Variants in AOC1 observed in about 807,000 individuals in gnomAD.
The protein encoded by AOC1 is amine oxidase copper containing 1, also known as diamine oxidase [copper-containing].
Under a neutral mutation model 57.1 loss-of-function variants are expected in AOC1, and 58 were observed. The observed-to-expected ratio is 1.02, with a 90% CI of 0.82 to 1.26. AOC1 has a LOEUF of 1.26. Among genes scored for constraint, AOC1 ranks in the 50% most tolerant of loss-of-function variants. AOC1 has a pLI of 0.00. For synonymous variants in AOC1, 401 were observed against 423.4 expected, an observed-to-expected ratio of 0.95 and a Z score of 0.65; for missense variants, 917 against 1,005.3, an observed-to-expected ratio of 0.91 and a Z score of 1.19.
chr7:150,853,863 AAAC>A (rs1178291895), intron 1 of AOC1: 1 of 151,882 alleles, frequency 6.6e-6, no homozygotes. Flanking sequence ...TCTCTACTAA[AAAC>A]AAAAAATTAG....
chr7:150,861,388 A>C lies in AOC1; in HGVS notation c.*179A>C. On this transcript the variant is annotated 3_prime_UTR_variant, in exon 5 of 5. Transcript: ENST00000360937. This position sits in a 1 kb window ranked among gnomAD's most constrained non-coding sequence, Gnocchi z 4.5. ...CACAGACGTGCACACACACACAGAC[A>C]TGCACACACACACAGACGTGCACAC... The C allele has an allele frequency of 3.1e-6, 2 of 651,160 alleles. No individual in the cohort carries two copies. The highest frequency in any genetic ancestry group is 5.0e-6 in the Non-Finnish European group (2 of 397,908). 40.3% of individuals were successfully genotyped at this position (651,160 alleles called of 1,614,324 possible).
In AOC1 at chr7:150,861,117, G is replaced by A. The variant is rs1274088394; in HGVS notation, c.2164G>A (p.Gly722Ser). ...TGTGATCGTGTGGCCTCGGGACAAC[G>A]GCCCCAACTACGTCCAGCGCTGGAT... is the stretch of plus-strand genomic sequence containing the variant. The part of the protein sequence containing the change: ...DTVIVWPRDN[G>S]PNYVQRWIPE... The change falls in exon 5 of 5, where the codon GGC becomes AGC. Residue 722 changes from glycine (G) to serine (S), a missense_variant. Gly to Ser is a moderately conservative substitution (Grantham distance 56, BLOSUM62 0). Coordinates refer to ENST00000360937, the MANE Select transcript of AOC1 (RefSeq NM_001091.4). The surrounding 1 kb of genome is among the most constrained non-coding windows in gnomAD (Gnocchi z 4.5). 20 of 1,613,942 alleles carry A rather than the reference G, an allele frequency of 1.2e-5. No homozygotes were observed. Among genetic ancestry groups the A allele is most frequent in the South Asian group, 7.7e-5 (7 of 91,082 alleles).
In AOC1 at chr7:150,856,491, C is replaced by T. The variant is rs531182439; in HGVS notation, c.21C>T (p.Ala7=). The T allele has an allele frequency of 3.7e-5, 59 of 1,613,476 alleles. No homozygotes were observed. Among genetic ancestry groups the T allele is most frequent in the African/African-American group, 1.1e-4 (8 of 74,882 alleles). Residue 7 remains alanine, a synonymous_variant, in exon 2 of 5, where the codon GCC becomes GCT. Coordinates refer to ENST00000360937, the MANE Select transcript of AOC1 (RefSeq NM_001091.4). The surrounding 1 kb of genome is among the most constrained non-coding windows in gnomAD (Gnocchi z 5.2). MPALGW[A]VAAILMLQTA... ...GAGAGATGCCGGCCCTGGGCTGGGCCGTGGCTGCCATCCTGATGCTGCAGA... is the reference window on the plus strand; with the variant it reads ...GAGAGATGCCGGCCCTGGGCTGGGCTGTGGCTGCCATCCTGATGCTGCAGA...
At chr7:150,858,672 T>A in intron 2 of AOC1, 91 bp from the exon 3 acceptor site, 2 of 1,341,840 alleles carry the variant, frequency 1.5e-6, no homozygotes, top group Non-Finnish European at 1.0e-6. Context: ...GGCTGTTGGA[T>A]GTGGTGGAGG....
rs765462743 is a variant in AOC1 at position 150,857,395 on chromosome 7, C to T, written c.925C>T (p.Arg309Cys). The change falls in exon 2 of 5, where the codon CGC (arginine) becomes TGC (cysteine). Residue 309 changes from arginine (R) to cysteine (C), a missense_variant. Transcript: ENST00000360937. The surrounding 1 kb of genome is among the most constrained non-coding windows in gnomAD (Gnocchi z 6.6). ...GPRLVQPHGP[R>C]FRLEGNAVLY... ...CCGCTTGGTCCAGCCCCACGGCCCT[C>T]GCTTCAGGCTGGAGGGCAACGCTGT... 1.8e-5 allele frequency: 29 copies of T among 1,610,266 alleles called. No individual in the cohort carries two copies. In the East Asian group the frequency reaches 2.5e-4, roughly 14 times the overall value.
Position 150,861,217 on chromosome 7 carries a change from C to A in AOC1, c.*8C>A. The A allele has an allele frequency of 6.4e-7, 1 of 1,558,828 alleles. No homozygotes were observed. Among genetic ancestry groups the A allele is most frequent in the Non-Finnish European group, 8.7e-7 (1 of 1,145,370 alleles). Reference sequence around the variant, plus strand: ...ACCTATAGACCTGTGTGACCAGCCCCCAGTTCCTCCCCCAGTTCCTCCCAG... The same window carrying A: ...ACCTATAGACCTGTGTGACCAGCCCACAGTTCCTCCCCCAGTTCCTCCCAG... On this transcript the variant is annotated 3_prime_UTR_variant, in exon 5 of 5. Coordinates refer to ENST00000360937, the MANE Select transcript of AOC1 (RefSeq NM_001091.4). The surrounding 1 kb of genome is among the most constrained non-coding windows in gnomAD (Gnocchi z 4.5).
chr7:150,855,052 A>C (rs1261760189), intron 1 of AOC1, among the ~76,000 whole-genome samples: 1 of 152,118 alleles, frequency 6.6e-6, no homozygotes, highest in Non-Finnish European at 1.5e-5. Flanking sequence ...GAAAACAAGG[A>C]TCTCTCAGAG....
chr7:150,860,595 G>A lies in AOC1; in HGVS notation c.1951G>A (p.Glu651Lys), dbSNP rs756751670. The A allele has an allele frequency of 2.5e-6, 4 of 1,614,020 alleles. No individual in the cohort carries two copies. Among genetic ancestry groups the A allele is most frequent in the Non-Finnish European group, 1.7e-6 (2 of 1,179,952 alleles). Residue 651 changes from glutamate to lysine, a missense_variant, in exon 4 of 5, where the codon GAG becomes AAG. Coordinates refer to ENST00000360937, the MANE Select transcript of AOC1 (RefSeq NM_001091.4). ...NDPWHPPVVF[E>K]QFLHNNENIE... ...CCCCTGGCACCCGCCCGTGGTCTTTGAGCAGTTTCTTCACAACAACGAGAA... is the reference window on the plus strand; with the variant it reads ...CCCCTGGCACCCGCCCGTGGTCTTTAAGCAGTTTCTTCACAACAACGAGAA...
chr7:150,859,183 T>C, intron 3 of AOC1, 135 bp downstream of exon 3: 1 of 1,056,630 alleles, frequency 9.5e-7, no homozygotes, highest in East Asian at 2.8e-5. Flanking sequence ...TATATCTGTG[T>C]GTACAATTGA....
In AOC1 at chr7:150,860,944, A is replaced by G; in HGVS notation, c.1991A>G (p.Asp664Gly). Residue 664 changes from aspartate (D) to glycine (G), a missense_variant and splice_region_variant, in exon 5 of 5, where the codon GAC (aspartate) becomes GGC (glycine). Coordinates refer to ENST00000360937, the MANE Select transcript of AOC1 (RefSeq NM_001091.4). ...TGAAGCCCACCCTGTCTCCTGCAGG[A>G]CCTGGTGGCCTGGGTGACGGTGGGC... is the stretch of plus-strand genomic sequence containing the variant. Reference protein sequence around the residue: ...LHNNENIENEDLVAWVTVGFL... With the variant: ...LHNNENIENEGLVAWVTVGFL... The G allele has an allele frequency of 6.2e-7, 1 of 1,611,224 alleles. No individual in the cohort carries two copies. Among genetic ancestry groups the G allele is most frequent in the Non-Finnish European group, 8.5e-7 (1 of 1,179,256 alleles).
Position 150,857,990 on chromosome 7 carries a change from G to A in AOC1, c.1520G>A (p.Gly507Asp). ...HGTRLHTHLI[G>D]NIHTHLVHYR... ...ACTCGCCTGCACACCCACCTGATTG[G>A]CAACATACACACTCACTTGGTGCAC... is the stretch of plus-strand genomic sequence containing the variant. The change falls in exon 2 of 5, where the codon GGC becomes GAC. Residue 507 changes from glycine (G) to aspartate (D), a missense_variant. Transcript: ENST00000360937. This position sits in a 1 kb window ranked among gnomAD's most constrained non-coding sequence, Gnocchi z 6.6. The A allele has an allele frequency of 5.1e-6, 8 of 1,578,540 alleles. No individual in the cohort carries two copies. The highest frequency in any genetic ancestry group is 6.9e-6 in the Non-Finnish European group (8 of 1,167,454).
chr7:150,857,621 A>C lies in AOC1; in HGVS notation c.1151A>C (p.Glu384Ala). The C allele has an allele frequency of 1.2e-6, 2 of 1,614,006 alleles. No individual in the cohort carries two copies. Among genetic ancestry groups the C allele is most frequent in the Non-Finnish European group, 1.7e-6 (2 of 1,179,986 alleles). Residue 384 changes from glutamate to alanine, a missense_variant, in exon 2 of 5, where the codon GAG becomes GCG. Coordinates refer to ENST00000360937, the MANE Select transcript of AOC1 (RefSeq NM_001091.4). The surrounding 1 kb of genome is among the most constrained non-coding windows in gnomAD (Gnocchi z 6.6). ...VGWGLGSVTHELAPGIDCPET... is the reference protein window; with the variant it reads ...VGWGLGSVTHALAPGIDCPET... The stretch of plus-strand genomic sequence containing the variant: ...TGGGGCCTGGGCAGCGTCACTCATG[A>C]GTTAGCCCCCGGCATCGACTGCCCG...
chr7:150,857,011 T>C lies in AOC1; in HGVS notation c.541T>C (p.Cys181Arg). Reference protein sequence around the residue: ...GFSFQDCHDRCLAFTDVAPRG... With the variant: ...GFSFQDCHDRRLAFTDVAPRG... ...CTCATTCCAAGACTGCCATGACAGA[T>C]GCCTGGCCTTCACCGATGTGGCCCC... Residue 181 changes from cysteine to arginine, a missense_variant, in exon 2 of 5, where the codon TGC becomes CGC. Coordinates refer to ENST00000360937, the MANE Select transcript of AOC1 (RefSeq NM_001091.4). This position sits in a 1 kb window ranked among gnomAD's most constrained non-coding sequence, Gnocchi z 6.6. The C allele has an allele frequency of 6.2e-7, 1 of 1,614,178 alleles. No individual in the cohort carries two copies. Among genetic ancestry groups the C allele is most frequent in the South Asian group, 1.1e-5 (1 of 91,086 alleles).
chr7:150,857,456 G>T lies in AOC1; in HGVS notation c.986G>T (p.Arg329Leu), dbSNP rs367694828. The T allele has an allele frequency of 6.2e-7, 1 of 1,612,006 alleles. No homozygotes were observed. Among genetic ancestry groups the T allele is most frequent in the Non-Finnish European group, 8.5e-7 (1 of 1,179,664 alleles). The stretch of plus-strand genomic sequence containing the variant: ...GGCTGGAGCTTTGCCTTCCGGCTGC[G>T]CTCCTCCTCCGGGCTGCAGGTCCTG... Reference protein sequence around the residue: ...YGGWSFAFRLRSSSGLQVLNV... With the variant: ...YGGWSFAFRLLSSSGLQVLNV... The change falls in exon 2 of 5, where the codon CGC (arginine) becomes CTC (leucine). Residue 329 changes from arginine (R) to leucine (L), a missense_variant. Physicochemically the swap from Arg to Leu is moderately radical, Grantham distance 102. Coordinates refer to ENST00000360937, the MANE Select transcript of AOC1 (RefSeq NM_001091.4). The surrounding 1 kb of genome is among the most constrained non-coding windows in gnomAD (Gnocchi z 6.6).
Position 150,859,062 on chromosome 7 carries a change from AG to A in AOC1, c.1856+19del. 2 of 1,538,992 alleles carry A rather than the reference AG, an allele frequency of 1.3e-6. No individual in the cohort carries two copies. Among genetic ancestry groups the A allele is most frequent in the Non-Finnish European group, 1.8e-6 (2 of 1,140,222 alleles). ...CACCTGGGCAAGGTGAGGAAGACCC[AG>A]GGGGCCTGGGGGAGGGTCAGTGGCT... On this transcript the variant is annotated intron_variant, in intron 3 of 4. Coordinates refer to ENST00000360937, the MANE Select transcript of AOC1 (RefSeq NM_001091.4).
In AOC1 at chr7:150,857,766, T is replaced by C. The variant is rs375886412; in HGVS notation, c.1296T>C (p.Asn432=). 3 of 1,614,076 alleles carry C rather than the reference T, an allele frequency of 1.9e-6. No homozygotes were observed. The African/African-American group carries it at 4.0e-5, about 22-fold the overall frequency. Reference sequence around the variant, plus strand: ...GGGTGCCCCTTCGGCGGCACTTTAATTCCAACTTTAAAGGTGGCTTCAACT... The same window carrying C: ...GGGTGCCCCTTCGGCGGCACTTTAACTCCAACTTTAAAGGTGGCTTCAACT... ...PTGVPLRRHF[N]SNFKGGFNFY... The change falls in exon 2 of 5, where the codon AAT becomes AAC. Residue 432 remains asparagine, a synonymous_variant. Coordinates refer to ENST00000360937, the MANE Select transcript of AOC1 (RefSeq NM_001091.4). This position sits in a 1 kb window ranked among gnomAD's most constrained non-coding sequence, Gnocchi z 6.6.
Position 150,858,863 on chromosome 7 carries a change from G to A in AOC1, c.1671G>A (p.Thr557=), listed in dbSNP as rs377458181. The change falls in exon 3 of 5, where the codon ACG becomes ACA. Residue 557 remains threonine (T), a synonymous_variant. Transcript: ENST00000360937. ...HRVVQPTLEQ[T]QYSWERQAAF... ...TGGTCCAGCCAACTCTGGAGCAGAC[G>A]CAGTACTCCTGGGAGCGCCAGGCGG... 594 of 1,613,978 alleles carry A rather than the reference G, an allele frequency of 3.7e-4. No homozygotes were observed. Among genetic ancestry groups the A allele is most frequent in the African/African-American group, 1.9e-3 (139 of 75,032 alleles).
chr7:150,858,265 C>T (rs961797174), intron 2 of AOC1, among the ~76,000 whole-genome samples: 1 of 152,148 alleles, frequency 6.6e-6, no homozygotes, highest in Non-Finnish European at 1.5e-5. Flanking sequence ...CCTGTCCTGA[C>T]CCTGGGGCTG....
At chr7:150,858,718 T>G in intron 2 of AOC1, 45 bp from the exon 3 acceptor site, 2 of 1,549,470 alleles carry the variant, frequency 1.3e-6, no homozygotes, top group Non-Finnish European at 1.8e-6. Context: ...AGGTTTCAGT[T>G]CTGGCAGCTT....
Sources: allele counts gnomAD v4.1 joint callset (sites outside exome capture counted in the v4.1 genomes callset), GRCh38; gene constraint gnomAD v4.1.1; non-coding constraint Gnocchi (gnomAD v3.1); transcripts MANE v1.5; gene names NCBI Gene and HGNC (gene_info 2026-07-23, HGNC 2026-07-21).